Variants in MYH10 observed in about 807,000 individuals in gnomAD.
MYH10 encodes the protein myosin-10.
MYH10 carries 55 observed loss-of-function variants against 257.8 expected under a neutral mutation model. The observed-to-expected ratio is 0.21, with a 90% confidence interval of 0.17 to 0.27. The LOEUF (loss-of-function observed/expected upper bound fraction) is 0.27, where lower values mean the gene tolerates loss of function less well. MYH10 is among the 10% of genes least tolerant of loss of function. The probability of loss-of-function intolerance (pLI) is 1.00; values close to 1 mark genes in which losing one functional copy is unlikely to be tolerated. For synonymous variants in MYH10, 854 were observed against 921.7 expected (o/e 0.93, Z 1.33); for missense variants, 1,631 against 2,500.6 (o/e 0.65, Z 7.42).
intron 36 of MYH10, among the ~76,000 whole-genome samples, chr17:8,486,068 G>T (rs1914714957): frequency 6.6e-6 from 1 of 152,172 alleles, no homozygotes; most frequent in Non-Finnish European, 1.5e-5. Context: ...TGGAAAACCA[G>T]TCACAAAAGG....
At chr17:8,508,483 T>G in intron 26 of MYH10, 71 bp downstream of exon 26, 1 of 1,584,234 alleles carries the variant, frequency 6.3e-7, no homozygotes, top group Non-Finnish European at 8.6e-7. Context: ...TATTTTTGCA[T>G]GTTCTGATTA....
chr17:8,591,085 G>C (rs924012161), intron 3 of MYH10, among the ~76,000 whole-genome samples: 1 of 151,814 alleles, frequency 6.6e-6, no homozygotes, highest in Non-Finnish European at 1.5e-5. Context: ...TGTTAGCCAG[G>C]ATGGTCTCGA....
intron 13 of MYH10, among the ~76,000 whole-genome samples, chr17:8,544,652 C>T (rs2082388572): frequency 6.6e-6 from 1 of 152,002 alleles, no homozygotes; most frequent in Admixed American, 6.6e-5. Context: ...CAGATGATCA[C>T]AAAAAGCACT....
chr17:8,521,510 A>G, intron 17 of MYH10: 1 of 550,138 alleles, frequency 1.8e-6, no homozygotes. Flanking sequence ...CCACACCAAC[A>G]CACACCAGCA....
chr17:8,570,758 C>CT (rs2083305779), intron 6 of MYH10, among the ~76,000 whole-genome samples: 1 of 152,142 alleles, frequency 6.6e-6, no homozygotes, highest in African/African-American at 2.4e-5. Flanking sequence ...TCACATGAGG[C>CT]TTTTAAATTA....
In MYH10 at chr17:8,526,662, CTCA is replaced by C. The variant is rs532616798; in HGVS notation, c.1957+3958_1957+3960del. On this transcript the variant is annotated intron_variant, in intron 17 of 42. Transcript: ENST00000360416. ...AGAGAAAATGCAACGTGTCGTCTATCTCATCATGAAACTGCCACCAACAGTTTC... is the reference window on the plus strand; with the variant it reads ...AGAGAAAATGCAACGTGTCGTCTATCTCATGAAACTGCCACCAACAGTTTC... Among the ~76,000 whole-genome samples, 78 of 152,282 alleles carry C rather than the reference CTCA, an allele frequency of 5.1e-4. 1 individual carries two copies. The highest frequency in any genetic ancestry group is 1.7e-3 in the African/African-American group (71 of 41,566).
chr17:8,487,371 T>G, intron 36 of MYH10, 62 bp downstream of exon 36: 1 of 1,596,790 alleles, frequency 6.3e-7, no homozygotes, highest in Admixed American at 1.7e-5. Flanking sequence ...TGCTGGACTC[T>G]GTGTAAAAGC....
intron 2 of MYH10, among the ~76,000 whole-genome samples, chr17:8,609,197 G>T (rs1290677974): frequency 6.6e-6 from 1 of 152,146 alleles, no homozygotes; most frequent in Non-Finnish European, 1.5e-5. Context: ...AGGTTCAAAG[G>T]ATTAGAGAAA....
chr17:8,476,971 G>A lies in MYH10; in HGVS notation c.5784C>T (p.Asn1928=), dbSNP rs759720458. ...CCCGCTGGAGTTTACGCCGAGATGC[G>A]TTGGCACGCGTCGCTTCTTCTTCTG... The part of the protein sequence containing the change: ...EEAEEEATRA[N]ASRRKLQREL... The change falls in exon 42 of 43, where the codon AAC becomes AAT. Residue 1928 remains asparagine (N), a synonymous_variant. Transcript: ENST00000360416. The A allele has an allele frequency of 4.2e-5, 67 of 1,614,122 alleles. No homozygotes were observed. Among genetic ancestry groups the A allele is most frequent in the Middle Eastern group, 3.3e-4 (2 of 6,062 alleles).
intron 4 of MYH10, among the ~76,000 whole-genome samples, chr17:8,578,374 C>G (rs2083579787): frequency 6.6e-6 from 1 of 151,646 alleles, no homozygotes; most frequent in Non-Finnish European, 1.5e-5. Flanking sequence ...TCCCAAGTAG[C>G]TAGGACCATA....
At chr17:8,493,641 C>A in intron 32 of MYH10, 92 bp downstream of exon 32, 2 of 1,426,524 alleles carry the variant, frequency 1.4e-6, no homozygotes, top group Non-Finnish European at 9.4e-7. Flanking sequence ...TTAACTGTCC[C>A]AAATGGAGCT....
chr17:8,575,222 G>C (rs1262710074), intron 6 of MYH10, among the ~76,000 whole-genome samples: 3 of 151,856 alleles, frequency 2.0e-5, no homozygotes, highest in African/African-American at 4.8e-5. Context: ...ATACAACAGG[G>C]ATCCACTCTG....
In MYH10 at chr17:8,569,883, G is replaced by T; in HGVS notation, c.664-71C>A. The T allele has an allele frequency of 8.5e-7, 1 of 1,172,136 alleles. No individual in the cohort carries two copies. Among genetic ancestry groups the T allele is most frequent in the Non-Finnish European group, 1.2e-6 (1 of 834,668 alleles). The allele number at this position is 1,172,136 out of a possible 1,614,324, so 72.6% of individuals were successfully genotyped here. On this transcript the variant is annotated intron_variant, in intron 6 of 42. Transcript: ENST00000360416. The surrounding 1 kb of genome is among the most constrained non-coding windows in gnomAD (Gnocchi z 4.1). ...TCTAATGTCTTTACTCAAGTCATCA[G>T]GGGAAAAATTTCTAAAAAAGAAACT...
intron 3 of MYH10, among the ~76,000 whole-genome samples, chr17:8,593,848 T>C (rs781466545): frequency 1.4e-4 from 21 of 152,106 alleles, no homozygotes; most frequent in Non-Finnish European, 2.6e-4. Context: ...AATTTATACC[T>C]ATGGAAAGAC....
intron 41 of MYH10, 83 bp downstream of exon 41, chr17:8,478,255 T>C: frequency 8.3e-7 from 1 of 1,207,194 alleles, no homozygotes; most frequent in Non-Finnish European, 1.2e-6. Flanking sequence ...GGCCCTGAAT[T>C]CCACTGGTCA....
intron 2 of MYH10, among the ~76,000 whole-genome samples, chr17:8,612,103 C>T (rs776713776): frequency 1.4e-4 from 22 of 152,234 alleles, no homozygotes; most frequent in Non-Finnish European, 2.9e-4. Flanking sequence ...CGTGCACAGA[C>T]CGTGAATTAT....
At chr17:8,577,194 AAAG>A (rs770124115) in intron 5 of MYH10, 39 bp downstream of exon 5, 24 of 1,481,534 alleles carry the variant, frequency 1.6e-5, no homozygotes, top group African/African-American at 4.2e-5. Flanking sequence ...TGAAATTATA[AAAG>A]AAGAAGAAGA....
chr17:8,592,301 TAAAG>T (rs1283835520), intron 3 of MYH10, among the ~76,000 whole-genome samples: 3 of 150,822 alleles, frequency 2.0e-5, no homozygotes, highest in Admixed American at 6.6e-5. Flanking sequence ...AAGGAAATGA[TAAAG>T]AAATCAATGA....
At chr17:8,515,871 G>T (rs747595711) in intron 21 of MYH10, among the ~76,000 whole-genome samples, 8 of 152,062 alleles carry the variant, frequency 5.3e-5, no homozygotes, top group Non-Finnish European at 8.8e-5. Context: ...AATTCCAAGA[G>T]TTTCTACTAC....
Sources: gnomAD v4.1 joint callset for allele counts (sites outside exome capture counted in the v4.1 genomes callset) on GRCh38, gnomAD v4.1.1 for gene constraint, Gnocchi (gnomAD v3.1) non-coding constraint, MANE v1.5 for transcripts, NCBI Gene and HGNC (gene_info 2026-07-23, HGNC 2026-07-21) for gene names.